LARP4: variants seen among roughly 807,000 people sequenced by gnomAD.
LARP4 encodes the protein la-related protein 4.
In LARP4, 29 loss-of-function variants were observed where a neutral mutation model predicts 92.9. The ratio of observed to expected loss-of-function variants is 0.31; its 90% CI spans 0.23 to 0.43. LARP4 has a LOEUF of 0.43. LARP4 is among the 20% of genes least tolerant of loss of function. LARP4 has a pLI of 1.00. For missense variants in LARP4, 732 were observed against 860.0 expected, an observed-to-expected ratio of 0.85 and a Z score of 1.86; for synonymous variants, 279 against 284.1, an observed-to-expected ratio of 0.98 and a Z score of 0.18.
intron 8 of LARP4, among the ~76,000 whole-genome samples, chr12:50,443,263 GT>G (rs1951510020): frequency 6.6e-6 from 1 of 151,916 alleles, no homozygotes; most frequent in African/African-American, 2.4e-5. Flanking sequence ...TGGCTGTTTT[GT>G]TTTGTTTTGT....
At chr12:50,466,854 G>A in intron 12 of LARP4, 105 bp from the exon 13 acceptor site, 1 of 1,042,908 alleles carries the variant, frequency 9.6e-7, no homozygotes, top group South Asian at 1.7e-5. Context: ...GCATTATAGA[G>A]GTTTTGTTTG....
Position 50,430,509 on chromosome 12 carries a change from G to A in LARP4, c.337G>A (p.Ala113Thr). The A allele has an allele frequency of 6.2e-7, 1 of 1,602,622 alleles. No homozygotes were observed. Among genetic ancestry groups the A allele is most frequent in the South Asian group, 1.1e-5 (1 of 89,968 alleles). Residue 113 changes from alanine (A) to threonine (T), a missense_variant, in exon 4 of 16, where the codon GCA (alanine) becomes ACA (threonine). Around this residue, in one of 7 missense-constraint regions of LARP4, gnomAD observed 236 missense variants for 307.6 expected, o/e 0.77. Transcript: ENST00000398473. ...TCTACCATCAGGAGAAAGCAATTCA[G>A]CAGTTTCTACAGAAGACCTAAAAGA... ...IYDVSGESNS[A>T]VSTEDLKECL...
At position 50,404,621 on chromosome 12, in the gene LARP4, C is replaced by T. The variant is rs193182745; in HGVS notation, c.18+3593C>T. On this transcript the variant is annotated intron_variant, in intron 1 of 15. Transcript: ENST00000398473. ...TTGAGACCGAGTCTCGCTCTGAGAC[C>T]GAGGCTAGAGGGTGGCGCAGTCTCA... Among the ~76,000 whole-genome samples, 14 of 151,418 alleles carry T rather than the reference C, an allele frequency of 9.2e-5. No individual in the cohort carries two copies. In the East Asian group the frequency reaches 2.1e-3, roughly 23 times the overall value.
rs1476634625 is a variant in LARP4 at position 50,428,977 on chromosome 12, T to G, written c.209T>G (p.Val70Gly). 1 of 1,596,048 alleles carries G rather than the reference T, an allele frequency of 6.3e-7. No individual in the cohort carries two copies. The highest frequency in any genetic ancestry group is 8.6e-7 in the Non-Finnish European group (1 of 1,165,242). Reference protein sequence around the residue: ...LSEDICKEYEVMYSSSCETTR... With the variant: ...LSEDICKEYEGMYSSSCETTR... ...GAAGATATATGTAAAGAATATGAAG[T>G]AATGTATTCTTCATCTTGTGAAACC... The change falls in exon 3 of 16, where the codon GTA becomes GGA. Residue 70 changes from valine (V) to glycine (G), a missense_variant. By Grantham distance (109) the Val-to-Gly change is moderately radical. Transcript: ENST00000398473.
chr12:50,441,450 C>A, intron 7 of LARP4, 140 bp from the exon 8 acceptor site: 1 of 526,504 alleles, frequency 1.9e-6, no homozygotes. Context: ...TTTACTTTTT[C>A]ATTCCCTGTC....
At position 50,473,613 on chromosome 12, in the gene LARP4, C is replaced by A. The variant is rs551807182; in HGVS notation, c.1667+77C>A. 13 of 1,497,488 alleles carry A rather than the reference C, an allele frequency of 8.7e-6. No individual in the cohort carries two copies. The African/African-American group carries it at 1.7e-4, about 19-fold the overall frequency. 92.8% of individuals were successfully genotyped at this position (1,497,488 alleles called of 1,614,324 possible). A position where few individuals can be genotyped will look rare whatever the true frequency, so the allele number is the denominator to read the frequency against. ...GGGTGTGGTGGCTCTCACCTGTAAT[C>A]CCAGCACTTTGGGAGGCCGAGGCAG... On this transcript the variant is annotated intron_variant, in intron 14 of 15. Transcript: ENST00000398473.
intron 1 of LARP4, among the ~76,000 whole-genome samples, chr12:50,423,402 C>A (rs1413178669): frequency 6.6e-6 from 1 of 152,150 alleles, no homozygotes; most frequent in African/African-American, 2.4e-5. Context: ...GGTGAGACAG[C>A]AGAATTGCCT....
At chr12:50,401,130 C>A in intron 1 of LARP4, 102 bp downstream of exon 1, 1 of 1,360,160 alleles carries the variant, frequency 7.4e-7, no homozygotes, top group Non-Finnish European at 1.0e-6. Context: ...GTACACGCCG[C>A]GGAACCGGCA....
At chr12:50,438,626 A>C (rs1378257298) in intron 6 of LARP4, among the ~76,000 whole-genome samples, 19 of 152,268 alleles carry the variant, frequency 1.2e-4, no homozygotes, top group Admixed American at 1.2e-3. Context: ...GATACATTAT[A>C]ATCAATTTGA....
At chr12:50,445,742 A>T (rs1282465079) in intron 8 of LARP4, among the ~76,000 whole-genome samples, 1 of 151,982 alleles carries the variant, frequency 6.6e-6, no homozygotes, top group African/African-American at 2.4e-5. Context: ...AATATTTTAG[A>T]TGCTGTATTC....
At chr12:50,459,088 T>G (rs1954851968) in intron 10 of LARP4, among the ~76,000 whole-genome samples, 1 of 152,184 alleles carries the variant, frequency 6.6e-6, no homozygotes, top group South Asian at 2.1e-4. Context: ...AAACTCCACC[T>G]CCTGGGTTCA....
Position 50,453,247 on chromosome 12 carries a change from G to T in LARP4, c.805-213G>T, listed in dbSNP as rs557771278. ...CGTGTGTTTGTGTGTGGCGGGGGGG[G>T]TTTTACCTTGTTTACTATGGTTTTT... On this transcript the variant is annotated intron_variant, in intron 8 of 15. Coordinates refer to ENST00000398473, the MANE Select transcript of LARP4 (RefSeq NM_052879.5). Among the ~76,000 whole-genome samples the T allele has an allele frequency of 8.6e-5, 13 of 151,580 alleles. No individual in the cohort carries two copies. In the South Asian group the frequency reaches 1.0e-3, roughly 12 times the overall value.
chr12:50,472,195 G>A (rs779791358), intron 13 of LARP4, among the ~76,000 whole-genome samples: 11 of 152,076 alleles, frequency 7.2e-5, no homozygotes, highest in Non-Finnish European at 1.2e-4. Context: ...ACATAACAGC[G>A]TTTACCATCT....
chr12:50,449,224 G>A (rs1175458464), intron 8 of LARP4, among the ~76,000 whole-genome samples: 1 of 152,130 alleles, frequency 6.6e-6, no homozygotes. Flanking sequence ...AACATTGGCG[G>A]CAGAGCAAGA....
chr12:50,411,806 G>C (rs568485183), intron 1 of LARP4, among the ~76,000 whole-genome samples: 1 of 151,752 alleles, frequency 6.6e-6, no homozygotes, highest in East Asian at 1.9e-4. Flanking sequence ...TCAGCGTCCC[G>C]AGTAGCTGGG....
intron 10 of LARP4, 130 bp downstream of exon 10, chr12:50,454,547 A>G: frequency 1.5e-6 from 1 of 668,054 alleles, no homozygotes; most frequent in East Asian, 2.8e-5. Context: ...TGTTTTTACT[A>G]AGTGTATATG....
chr12:50,454,849 A>G (rs1051659887), intron 10 of LARP4: 6 of 156,236 alleles, frequency 3.8e-5, no homozygotes, highest in African/African-American at 1.4e-4. Context: ...CCCAAGAACT[A>G]CAGTGCACAA....
chr12:50,473,972 T>G (rs1192977642), intron 14 of LARP4, 27 bp from the exon 15 acceptor site: 9 of 1,598,708 alleles, frequency 5.6e-6, no homozygotes, highest in African/African-American at 1.3e-5. Context: ...CTATTCTGAG[T>G]CTAATTGCAA....
chr12:50,401,203 C>G (rs936657250), intron 1 of LARP4, 175 bp downstream of exon 1: 18 of 717,242 alleles, frequency 2.5e-5, no homozygotes, highest in Non-Finnish European at 4.0e-5. Flanking sequence ...GCTCACAACA[C>G]TCTAGGAAGC....
Sources: allele counts gnomAD v4.1 joint callset (sites outside exome capture counted in the v4.1 genomes callset), GRCh38; gene constraint gnomAD v4.1.1; regional missense constraint gnomAD v4.1.1; transcripts MANE v1.5; gene names NCBI Gene and HGNC (gene_info 2026-07-23, HGNC 2026-07-21).